Variants in NBEA observed in about 807,000 individuals in gnomAD.
NBEA encodes neurobeachin.
Under a neutral mutation model 343.4 loss-of-function variants are expected in NBEA, and 44 were observed. The observed-to-expected ratio is 0.13, with a 90% CI of 0.10 to 0.16. The LOEUF (loss-of-function observed/expected upper bound fraction) is 0.16, where lower values mean the gene tolerates loss of function less well. NBEA is among the 10% of genes least tolerant of loss of function. The pLI is 1.00. For synonymous variants in NBEA, 1,175 were observed against 1,238.7 expected, an observed-to-expected ratio of 0.95 and a Z score of 1.08; for missense variants, 2,555 against 3,631.3, an observed-to-expected ratio of 0.70 and a Z score of 7.62.
chr13:35,214,007 AT>A (rs2073930503), intron 33 of NBEA, among the ~76,000 whole-genome samples: 1 of 151,872 alleles, frequency 6.6e-6, no homozygotes, highest in South Asian at 2.1e-4. Context: ...AGTACATACT[AT>A]TTTTGGTGTC....
intron 10 of NBEA, among the ~76,000 whole-genome samples, chr13:35,090,937 T>C (rs2065049093): frequency 6.6e-6 from 1 of 152,032 alleles, no homozygotes; most frequent in Non-Finnish European, 1.5e-5. Flanking sequence ...TTTTTGTCCC[T>C]TTATTATCCC....
intron 30 of NBEA, chr13:35,186,801 G>A (rs2071744434): frequency 6.6e-6 from 1 of 152,082 alleles, no homozygotes; most frequent in African/African-American, 2.4e-5. Context: ...ATGAAGAAAA[G>A]TTACAAGTGT....
chr13:35,117,383 T>A, intron 13 of NBEA, 31 bp from the exon 14 acceptor site: 1 of 1,168,136 alleles, frequency 8.6e-7, no homozygotes, highest in Non-Finnish European at 1.1e-6. Context: ...CTTGTATTTT[T>A]TATTTTACTT....
chr13:35,479,761 G>T (rs1403625599), intron 41 of NBEA, among the ~76,000 whole-genome samples: 2 of 151,928 alleles, frequency 1.3e-5, no homozygotes. Flanking sequence ...AATATTTTTT[G>T]TTGTAAATAT....
At chr13:35,316,547 T>C (rs2037736110) in intron 36 of NBEA, among the ~76,000 whole-genome samples, 1 of 152,236 alleles carries the variant, frequency 6.6e-6, no homozygotes, top group Non-Finnish European at 1.5e-5. Context: ...TTTGCTATTG[T>C]CAACAGTGCT....
At chr13:35,446,411 G>A (rs2046046913) in intron 39 of NBEA, among the ~76,000 whole-genome samples, 1 of 152,146 alleles carries the variant, frequency 6.6e-6, no homozygotes, top group South Asian at 2.1e-4. Flanking sequence ...CACAATGGTT[G>A]AACTAGTTTA....
At chr13:35,355,054 T>C (rs2040415646) in intron 38 of NBEA, among the ~76,000 whole-genome samples, 1 of 152,178 alleles carries the variant, frequency 6.6e-6, no homozygotes. Context: ...CCTTGACTAC[T>C]GTTTACACAT....
intron 1 of NBEA, among the ~76,000 whole-genome samples, chr13:35,018,924 T>A (rs2061741569): frequency 6.6e-6 from 1 of 152,176 alleles, no homozygotes; most frequent in Non-Finnish European, 1.5e-5. Context: ...GAAATTCTAT[T>A]TCTAGTTTGT....
rs1261947196 is a variant in NBEA, at chr13:34,943,026, A to G, written c.206A>G (p.Asn69Ser). 2 of 1,612,804 alleles carry G rather than the reference A, an allele frequency of 1.2e-6. No homozygotes were observed. Among genetic ancestry groups the G allele is most frequent in the Non-Finnish European group, 1.7e-6 (2 of 1,179,418 alleles). ...GMINPSVPIR[N>S]IRMKFAVLIG... ...ATTAACCCTTCGGTGCCGATCCGCAACATCCGGATGAAATTCGCAGTGTTG... is the reference window on the plus strand; with the variant it reads ...ATTAACCCTTCGGTGCCGATCCGCAGCATCCGGATGAAATTCGCAGTGTTG... Residue 69 changes from asparagine to serine, a missense_variant, in exon 1 of 59, where the codon AAC becomes AGC. Transcript: ENST00000379939.
intron 48 of NBEA, among the ~76,000 whole-genome samples, chr13:35,621,556 C>A (rs2082992401): frequency 6.6e-6 from 1 of 152,146 alleles, no homozygotes; most frequent in South Asian, 2.1e-4. Context: ...GGTCTCCTCC[C>A]AGTACAATGT....
intron 40 of NBEA, among the ~76,000 whole-genome samples, chr13:35,463,614 C>T (rs908935310): frequency 3.3e-5 from 5 of 151,100 alleles, no homozygotes; most frequent in East Asian, 3.9e-4. Context: ...AGTGAGACTC[C>T]GTCGCAAAAA....
intron 41 of NBEA, among the ~76,000 whole-genome samples, chr13:35,517,361 G>C (rs1306857589): frequency 6.6e-6 from 1 of 152,112 alleles, no homozygotes; most frequent in Admixed American, 6.6e-5. Flanking sequence ...CTCTAGTCTT[G>C]TCTTCCTTCT....
At chr13:35,198,852 C>G (rs893006719) in intron 31 of NBEA, among the ~76,000 whole-genome samples, 1 of 151,802 alleles carries the variant, frequency 6.6e-6, no homozygotes, top group Non-Finnish European at 1.5e-5. Flanking sequence ...CTTCACTACT[C>G]AAAGCCATAA....
At chr13:35,168,762 A>G (rs1474331372) in intron 24 of NBEA, among the ~76,000 whole-genome samples, 1 of 151,358 alleles carries the variant, frequency 6.6e-6, no homozygotes, top group African/African-American at 2.4e-5. Flanking sequence ...AGTTACTACA[A>G]TAAAAATAAG....
At chr13:35,132,253 G>A (rs1406658986) in intron 17 of NBEA, among the ~76,000 whole-genome samples, 1 of 152,122 alleles carries the variant, frequency 6.6e-6, no homozygotes, top group African/African-American at 2.4e-5. Context: ...TGCTTCCCAT[G>A]TTCAAGCGAT....
chr13:35,161,456 C>T (rs1340675384), intron 22 of NBEA, among the ~76,000 whole-genome samples: 1 of 152,030 alleles, frequency 6.6e-6, no homozygotes, highest in Non-Finnish European at 1.5e-5. Flanking sequence ...TTTAAAGACT[C>T]TTAATGGGGT....
At position 35,159,397 on chromosome 13, in the gene NBEA, T is replaced by A. The variant is rs1425346386; in HGVS notation, c.3226T>A (p.Leu1076Ile). ...ATEVKLDDMD[L>I]SPETLVGGEN... Reference sequence around the variant, plus strand: ...AGAAGTAAAGCTCGATGATATGGATTTATCACCGGAGACTTTAGTAGGTGG... The same window carrying A: ...AGAAGTAAAGCTCGATGATATGGATATATCACCGGAGACTTTAGTAGGTGG... Residue 1076 changes from leucine (L) to isoleucine (I), a missense_variant, in exon 22 of 59, where the codon TTA becomes ATA. Leu to Ile is a conservative substitution (Grantham distance 5). Around this residue, in one of 21 missense-constraint regions of NBEA, gnomAD observed 367 missense variants for 377.5 expected, o/e 0.97. Coordinates refer to ENST00000379939, the MANE Select transcript of NBEA (RefSeq NM_001385012.1). The A allele has an allele frequency of 1.9e-6, 3 of 1,613,262 alleles. No individual in the cohort carries two copies. The highest frequency in any genetic ancestry group is 2.5e-6 in the Non-Finnish European group (3 of 1,179,652).
intron 38 of NBEA, among the ~76,000 whole-genome samples, chr13:35,410,728 G>A (rs1260136203): frequency 6.6e-6 from 1 of 151,946 alleles, no homozygotes; most frequent in Admixed American, 6.6e-5. Context: ...TGAAGAAAAG[G>A]GTACCCTTTA....
At chr13:35,373,588 C>A (rs963736264) in intron 38 of NBEA, among the ~76,000 whole-genome samples, 1 of 151,434 alleles carries the variant, frequency 6.6e-6, no homozygotes, top group Non-Finnish European at 1.5e-5. Context: ...GCCTGTAGTC[C>A]CAGCTATTCA....
Sources: gnomAD v4.1 joint callset for allele counts (sites outside exome capture counted in the v4.1 genomes callset) on GRCh38, gnomAD v4.1.1 for gene constraint, gnomAD v4.1.1 regional missense constraint, MANE v1.5 for transcripts, NCBI Gene and HGNC (gene_info 2026-07-23, HGNC 2026-07-21) for gene names.